Variants in ZNF385D observed in about 807,000 individuals in gnomAD.
ZNF385D encodes zinc finger protein 385D, also known as zinc finger protein 659.
ZNF385D carries 15 observed loss-of-function variants against 35.8 expected under a neutral mutation model. The observed-to-expected ratio is 0.42, with a 90% CI of 0.28 to 0.64. ZNF385D has a LOEUF of 0.64. ZNF385D is among the 30% of genes least tolerant of loss of function. The pLI, the probability that ZNF385D is intolerant of heterozygous loss-of-function variation, is 0.23. For synonymous variants in ZNF385D, 212 were observed against 186.8 expected, an observed-to-expected ratio of 1.13 and a Z score of -1.10; for missense variants, 474 against 494.6, an observed-to-expected ratio of 0.96 and a Z score of 0.39.
chr3:21,669,234 A>T (rs1345055871), intron 1 of ZNF385D, among the ~76,000 whole-genome samples: 1 of 152,214 alleles, frequency 6.6e-6, no homozygotes, highest in East Asian at 1.9e-4. Flanking sequence ...AAATGACAAA[A>T]GCATTTATTA....
chr3:22,157,702 G>C (rs1705683597), intron 3 of ZNF385D, among the ~76,000 whole-genome samples: 1 of 152,050 alleles, frequency 6.6e-6, no homozygotes, highest in African/African-American at 2.4e-5. Context: ...AAATCTTGAA[G>C]TAAAAATCAC....
chr3:21,638,676 T>G (rs1204771755), intron 2 of ZNF385D, among the ~76,000 whole-genome samples: 1 of 152,152 alleles, frequency 6.6e-6, no homozygotes, highest in East Asian at 1.9e-4. Context: ...CTGTAAAGTC[T>G]CAGACCATGT....
At chr3:22,183,641 G>A (rs1010542489) in intron 2 of ZNF385D, among the ~76,000 whole-genome samples, 1 of 151,824 alleles carries the variant, frequency 6.6e-6, no homozygotes, top group African/African-American at 2.4e-5. Flanking sequence ...TAAAACCAAG[G>A]ATTCTTTATG....
chr3:21,718,596 CAAGATT>C (rs2068419561), intron 1 of ZNF385D, among the ~76,000 whole-genome samples: 3 of 152,300 alleles, frequency 2.0e-5, no homozygotes, highest in South Asian at 2.1e-4. Flanking sequence ...GGAACTTCAT[CAAGATT>C]AAGTATTAAT....
At chr3:21,634,324 GAGGA>G (rs2065364873) in intron 2 of ZNF385D, among the ~76,000 whole-genome samples, 1 of 149,696 alleles carries the variant, frequency 6.7e-6, no homozygotes, top group Non-Finnish European at 1.5e-5. Flanking sequence ...AGAAAGGAAA[GAGGA>G]AGGAAGGGAG....
intron 3 of ZNF385D, among the ~76,000 whole-genome samples, chr3:22,017,008 T>C (rs1449582115): frequency 1.3e-5 from 2 of 152,014 alleles, no homozygotes; most frequent in East Asian, 1.9e-4. Context: ...ATTGGAATAA[T>C]AGTTTCTAAT....
intron 3 of ZNF385D, among the ~76,000 whole-genome samples, chr3:21,994,482 C>T (rs1004974628): frequency 1.3e-5 from 2 of 151,966 alleles, no homozygotes; most frequent in Non-Finnish European, 2.9e-5. Flanking sequence ...TCTATTGTAT[C>T]TCACTGAGCT....
chr3:22,006,633 A>C (rs992937005), intron 3 of ZNF385D, among the ~76,000 whole-genome samples: 13 of 152,108 alleles, frequency 8.5e-5, no homozygotes, highest in African/African-American at 3.1e-4. Context: ...AGTAGGAATA[A>C]ATTGGAAAAG....
intron 4 of ZNF385D, among the ~76,000 whole-genome samples, chr3:21,453,703 C>A (rs1702609077): frequency 6.6e-6 from 1 of 151,854 alleles, no homozygotes. Context: ...AAAAATAAAA[C>A]AACATAACTA....
chr3:22,061,781 C>G (rs915293115), intron 3 of ZNF385D, among the ~76,000 whole-genome samples: 1 of 152,206 alleles, frequency 6.6e-6, no homozygotes, highest in Non-Finnish European at 1.5e-5. Flanking sequence ...CACACTCCAC[C>G]TGCTATTACC....
Position 21,645,990 on chromosome 3 carries a change from G to A in ZNF385D, c.165+18896C>T, listed in dbSNP as rs565213895. 2.0e-5 allele frequency among the ~76,000 whole-genome samples: 3 copies of A among 152,254 alleles called. No homozygotes were observed. In the South Asian group the frequency reaches 6.2e-4, roughly 32 times the overall value. On this transcript the variant is annotated intron_variant, in intron 2 of 7. Transcript: ENST00000281523. The stretch of plus-strand genomic sequence containing the variant: ...AAATGCAGCAAATTCCAAGAATGGA[G>A]TTTAAATGAGCATTGTGTAAAAAGC...
At chr3:22,072,051 T>C (rs1025090395) in intron 3 of ZNF385D, among the ~76,000 whole-genome samples, 6 of 152,126 alleles carry the variant, frequency 3.9e-5, no homozygotes, top group African/African-American at 1.2e-4. Flanking sequence ...ATACCCACCA[T>C]GTATGTTTAT....
chr3:22,111,789 G>T (rs905408635), intron 3 of ZNF385D, among the ~76,000 whole-genome samples: 5 of 152,062 alleles, frequency 3.3e-5, no homozygotes, highest in East Asian at 3.9e-4. Context: ...TAGGACTCTT[G>T]TGAAACCCTG....
chr3:21,487,606 G>C (rs1353754603), intron 4 of ZNF385D, among the ~76,000 whole-genome samples: 6 of 152,000 alleles, frequency 3.9e-5, no homozygotes, highest in Admixed American at 2.6e-4. Flanking sequence ...AAATTTGATT[G>C]AGGAATGAGA....
At chr3:21,877,737 C>G (rs76520254) in intron 3 of ZNF385D, 1 of 151,934 alleles carries the variant, frequency 6.6e-6, no homozygotes, top group African/African-American at 2.4e-5. Context: ...TTGTAATGGA[C>G]GAACCTAAGA....
At chr3:21,664,382 CA>C (rs2066336855) in intron 2 of ZNF385D, among the ~76,000 whole-genome samples, 1 of 152,118 alleles carries the variant, frequency 6.6e-6, no homozygotes, top group African/African-American at 2.4e-5. Context: ...CTCTTGCTAC[CA>C]GAACCCTGAG....
intron 2 of ZNF385D, among the ~76,000 whole-genome samples, chr3:22,200,595 A>G (rs1228910355): frequency 6.6e-6 from 1 of 152,110 alleles, no homozygotes; most frequent in Non-Finnish European, 1.5e-5. Context: ...ACATCTTATC[A>G]GGAGACAGGG....
At chr3:21,817,598 A>G (rs1419567748) in intron 3 of ZNF385D, among the ~76,000 whole-genome samples, 1 of 152,226 alleles carries the variant, frequency 6.6e-6, no homozygotes, top group African/African-American at 2.4e-5. Context: ...TGGCCATCAG[A>G]GAAATGCAAA....
chr3:21,468,693 A>T (rs1345211095), intron 4 of ZNF385D, among the ~76,000 whole-genome samples: 3 of 152,138 alleles, frequency 2.0e-5, no homozygotes, highest in Non-Finnish European at 4.4e-5. Context: ...TGGGAGTCCG[A>T]GGCAGGCGGA....
Sources: allele counts gnomAD v4.1 joint callset (sites outside exome capture counted in the v4.1 genomes callset), GRCh38; gene constraint gnomAD v4.1.1; transcripts MANE v1.5; gene names NCBI Gene and HGNC (gene_info 2026-07-23, HGNC 2026-07-21).